ATP11B: variants seen among roughly 807,000 people sequenced by gnomAD.
The protein encoded by ATP11B is ATPase phospholipid transporting 11B (putative).
ATP11B carries 81 observed loss-of-function variants against 157.8 expected under a neutral mutation model. That is an observed-to-expected ratio of 0.51 (90% CI 0.43 to 0.62). ATP11B has a LOEUF of 0.62. Ranked by LOEUF, ATP11B falls within the 20% of genes least tolerant of loss-of-function variation. The pLI, the probability that ATP11B is intolerant of heterozygous loss-of-function variation, is 0.00. For missense variants in ATP11B, 1,165 were observed against 1,402.2 expected, an observed-to-expected ratio of 0.83 and a Z score of 2.70; for synonymous variants, 451 against 469.4, an observed-to-expected ratio of 0.96 and a Z score of 0.51.
At chr3:182,797,138 A>G (rs1715666223) in intron 1 of ATP11B, among the ~76,000 whole-genome samples, 1 of 152,184 alleles carries the variant, frequency 6.6e-6, no homozygotes, top group Admixed American at 6.5e-5. Context: ...AATTCCACTT[A>G]AGCTTTTGAT....
intron 27 of ATP11B, among the ~76,000 whole-genome samples, chr3:182,897,609 A>G (rs982368840): frequency 3.3e-5 from 5 of 152,022 alleles, no homozygotes; most frequent in Non-Finnish European, 7.4e-5. Context: ...TTTTTTATAT[A>G]AGATATTGAT....
intron 2 of ATP11B, among the ~76,000 whole-genome samples, chr3:182,821,751 G>A (rs1372123978): frequency 6.6e-6 from 1 of 152,210 alleles, no homozygotes; most frequent in African/African-American, 2.4e-5. Context: ...CATGTGACTA[G>A]TGGCTTGGAC....
At chr3:182,883,307 G>T (rs1162094167) in intron 21 of ATP11B, among the ~76,000 whole-genome samples, 2 of 151,466 alleles carry the variant, frequency 1.3e-5, no homozygotes, top group African/African-American at 2.4e-5. Flanking sequence ...TGCCAGGCTG[G>T]AGTGCAATGG....
intron 28 of ATP11B, among the ~76,000 whole-genome samples, chr3:182,906,434 T>G (rs1724353625): frequency 6.6e-6 from 1 of 151,956 alleles, no homozygotes; most frequent in South Asian, 2.1e-4. Flanking sequence ...TCAACAAACT[T>G]TCCATTCTTT....
chr3:182,821,023 T>C (rs908487317), intron 2 of ATP11B, among the ~76,000 whole-genome samples: 1 of 152,204 alleles, frequency 6.6e-6, no homozygotes, highest in Non-Finnish European at 1.5e-5. Context: ...TTTAAATCAG[T>C]TTCCTCAATT....
chr3:182,845,018 T>TTTTA (rs1309749887), intron 8 of ATP11B, among the ~76,000 whole-genome samples: 1 of 146,290 alleles, frequency 6.8e-6, no homozygotes, highest in African/African-American at 2.6e-5. Flanking sequence ...TTTTTTTTAT[T>TTTTA]TTTGAGATGG....
intron 21 of ATP11B, among the ~76,000 whole-genome samples, chr3:182,881,920 TTAA>T: frequency 6.6e-6 from 1 of 152,338 alleles, no homozygotes; most frequent in Non-Finnish European, 1.5e-5. Flanking sequence ...TTTTCTCATT[TTAA>T]TAACCTTTAT....
At chr3:182,845,807 G>C (rs879376795) in intron 9 of ATP11B, among the ~76,000 whole-genome samples, 15 of 152,216 alleles carry the variant, frequency 9.9e-5, no homozygotes, top group Non-Finnish European at 1.8e-4. Context: ...TAGTAATGGT[G>C]GGTGAGAACC....
chr3:182,867,462 A>G lies in ATP11B; in HGVS notation c.1688+18A>G. On this transcript the variant is annotated intron_variant, in intron 15 of 29. Coordinates refer to ENST00000323116, the MANE Select transcript of ATP11B (RefSeq NM_014616.3). ...CTGGAACGGTAATTTTTTTTCATAT[A>G]TTGGAATGTTTTCTGTGTTAAGTGT... is the stretch of plus-strand genomic sequence containing the variant. 1 of 1,527,126 alleles carries G rather than the reference A, an allele frequency of 6.5e-7. No individual in the cohort carries two copies. Among genetic ancestry groups the G allele is most frequent in the Non-Finnish European group, 9.1e-7 (1 of 1,103,136 alleles). 94.6% of individuals were successfully genotyped at this position (1,527,126 alleles called of 1,614,324 possible).
At chr3:182,871,591 G>A (rs1721656597) in intron 17 of ATP11B, among the ~76,000 whole-genome samples, 1 of 152,078 alleles carries the variant, frequency 6.6e-6, no homozygotes, top group Non-Finnish European at 1.5e-5. Flanking sequence ...GGAAATTATG[G>A]TCTCCTTTGC....
At chr3:182,899,686 T>C (rs1164733851) in intron 28 of ATP11B, among the ~76,000 whole-genome samples, 1 of 152,210 alleles carries the variant, frequency 6.6e-6, no homozygotes, top group Non-Finnish European at 1.5e-5. Context: ...TCTCTGTGAC[T>C]TTGAATCTCA....
intron 28 of ATP11B, among the ~76,000 whole-genome samples, chr3:182,904,258 C>G (rs1470091474): frequency 6.6e-6 from 1 of 152,160 alleles, no homozygotes; most frequent in African/African-American, 2.4e-5. Flanking sequence ...ATATTGTGGT[C>G]TGTTTATTTA....
Position 182,828,128 on chromosome 3 carries a change from G to A in ATP11B, c.153G>A (p.Val51=), listed in dbSNP as rs759517641. Residue 51 remains valine, a synonymous_variant, in exon 3 of 30, where the codon GTG becomes GTA. Coordinates refer to ENST00000323116, the MANE Select transcript of ATP11B (RefSeq NM_014616.3). ...GATCTCTTTCTTTTTAGTACACTGT[G>A]TGGAATTTTGTTCCAAAAAATTTAT... is the stretch of plus-strand genomic sequence containing the variant. The part of the protein sequence containing the change: ...DNRIISSKYT[V]WNFVPKNLFE... The A allele has an allele frequency of 1.5e-5, 22 of 1,429,380 alleles. No individual in the cohort carries two copies. The highest frequency in any genetic ancestry group is 9.5e-7 in the Non-Finnish European group (1 of 1,056,348). The allele number at this position is 1,429,380 out of a possible 1,614,324, so 88.5% of individuals were successfully genotyped here. A position where few individuals can be genotyped will look rare whatever the true frequency, so the allele number is the denominator to read the frequency against.
intron 9 of ATP11B, 102 bp downstream of exon 9, chr3:182,845,624 A>G: frequency 1.4e-6 from 1 of 715,414 alleles, no homozygotes; most frequent in South Asian, 2.9e-5. Context: ...ATAATTTATT[A>G]ATTATTTGTC....
At chr3:182,879,463 T>C (rs760430273) in intron 19 of ATP11B, 33 bp from the exon 20 acceptor site, 1 of 1,555,910 alleles carries the variant, frequency 6.4e-7, no homozygotes, top group African/African-American at 1.4e-5. Flanking sequence ...CTTCAAAGTA[T>C]CTTACAGAGA....
At chr3:182,913,724 A>G in intron 28 of ATP11B, 137 bp from the exon 29 acceptor site, 1 of 1,425,468 alleles carries the variant, frequency 7.0e-7, no homozygotes, top group South Asian at 1.3e-5. Flanking sequence ...AGCCTTTCAT[A>G]TGTTTCCCAT....
Position 182,880,973 on chromosome 3 carries a change from T to C in ATP11B, c.2501T>C (p.Val834Ala). The C allele has an allele frequency of 6.3e-7, 1 of 1,588,164 alleles. No individual in the cohort carries two copies. The highest frequency in any genetic ancestry group is 2.3e-5 in the East Asian group (1 of 43,600). ...NDVSMIQEAH[V>A]GIGIMGKEGR... ...GTAAGCATGATACAAGAAGCCCATGTTGGCATAGGTGATTGATTCTTCCTG... is the reference window on the plus strand; with the variant it reads ...GTAAGCATGATACAAGAAGCCCATGCTGGCATAGGTGATTGATTCTTCCTG... Residue 834 changes from valine to alanine, a missense_variant, in exon 21 of 30, where the codon GTT (valine) becomes GCT (alanine). Physicochemically the swap from Val to Ala is moderately conservative, Grantham distance 64 (BLOSUM62 0). Around this residue, in one of 4 missense-constraint regions of ATP11B, gnomAD observed 737 missense variants for 930.5 expected, o/e 0.79. Transcript: ENST00000323116.
At chr3:182,827,618 A>G (rs1717812548) in intron 2 of ATP11B, among the ~76,000 whole-genome samples, 1 of 151,934 alleles carries the variant, frequency 6.6e-6, no homozygotes, top group Admixed American at 6.6e-5. Context: ...GCGATCACTT[A>G]TCTAAAGCAT....
chr3:182,871,971 AT>A (rs1444366837), intron 17 of ATP11B, among the ~76,000 whole-genome samples: 3 of 152,036 alleles, frequency 2.0e-5, no homozygotes, highest in African/African-American at 7.2e-5. Flanking sequence ...GCCCGCCACT[AT>A]GCCCGCCCAA....
Sources: allele counts gnomAD v4.1 joint callset (sites outside exome capture counted in the v4.1 genomes callset), GRCh38; gene constraint gnomAD v4.1.1; regional missense constraint gnomAD v4.1.1; transcripts MANE v1.5; gene names NCBI Gene and HGNC (gene_info 2026-07-23, HGNC 2026-07-21).